UNKL: variants seen among roughly 807,000 people sequenced by gnomAD.
UNKL encodes unk like zinc finger.
In UNKL, 60 loss-of-function variants were observed where a neutral mutation model predicts 78.0. That is an observed-to-expected ratio of 0.77 (90% CI 0.63 to 0.95). The LOEUF (loss-of-function observed/expected upper bound fraction) is 0.95, where lower values mean the gene tolerates loss of function less well. Ranked by LOEUF, UNKL falls within the 40% of genes least tolerant of loss-of-function variation. The pLI is 0.00. For missense variants in UNKL, 1,159 were observed against 1,045.7 expected, an observed-to-expected ratio of 1.11 and a Z score of -1.49; for synonymous variants, 608 against 474.8, an observed-to-expected ratio of 1.28 and a Z score of -3.65.
chr16:1,369,733 T>G (rs895111943), intron 12 of UNKL, among the ~76,000 whole-genome samples: 5 of 152,126 alleles, frequency 3.3e-5, no homozygotes, highest in Non-Finnish European at 7.4e-5. Flanking sequence ...ATCCCACACT[T>G]TGGGAAGCCA....
rs1459051228 is a variant in UNKL at position 1,364,594 on chromosome 16, T to G, written c.*1646A>C. The G allele has an allele frequency of 6.6e-6, 1 of 152,284 alleles. No individual in the cohort carries two copies. Among genetic ancestry groups the G allele is most frequent in the African/African-American group, 2.4e-5 (1 of 41,440 alleles). 9.4% of individuals were successfully genotyped at this position (152,284 alleles called of 1,614,324 possible). A position where few individuals can be genotyped will look rare whatever the true frequency, so the allele number is the denominator to read the frequency against. On this transcript the variant is annotated 3_prime_UTR_variant, in exon 15 of 15. Transcript: ENST00000389221. Reference sequence around the variant, plus strand: ...TCGCGGGGATGCGTTCTCAGTCACGTTTCTGCTGCGGCCGAAACCACACTG... The same window carrying G: ...TCGCGGGGATGCGTTCTCAGTCACGGTTCTGCTGCGGCCGAAACCACACTG...
At position 1,397,695 on chromosome 16, in the gene UNKL, CG is replaced by C. The variant is rs570927888; in HGVS notation, c.735-401del. ...CACAGAGGACTTGGCTCCCCCACCC[CG>C]ACCCCCGTGCTTCACGCTGGGGCAG... On this transcript the variant is annotated intron_variant, in intron 5 of 14. Transcript: ENST00000389221. Among the ~76,000 whole-genome samples, 3 of 12,916 alleles carry C rather than the reference CG, an allele frequency of 2.3e-4. 1 individual carries two copies. The highest frequency in any genetic ancestry group is 3.4e-4 in the Non-Finnish European group (2 of 5,914). The allele number at this position is 12,916 out of a possible 152,430, so 8.5% of individuals were successfully genotyped here.
rs531584425 is a variant in UNKL at position 1,387,071 on chromosome 16, G to A, written c.1087-1686C>T. On this transcript the variant is annotated intron_variant, in intron 9 of 14. Transcript: ENST00000389221. The surrounding 1 kb of genome is among the most constrained non-coding windows in gnomAD (Gnocchi z 4.1). ...GGTAACTCCTGCACCCTACACCGCAGACCCTCCCAGCCATGCAGCACCGGG... is the reference window on the plus strand; with the variant it reads ...GGTAACTCCTGCACCCTACACCGCAAACCCTCCCAGCCATGCAGCACCGGG... Among the ~76,000 whole-genome samples the A allele has an allele frequency of 6.6e-6, 1 of 152,062 alleles. No individual in the cohort carries two copies. Among genetic ancestry groups the A allele is most frequent in the Admixed American group, 6.5e-5 (1 of 15,286 alleles).
intron 10 of UNKL, among the ~76,000 whole-genome samples, chr16:1,378,049 C>G (rs2036361491): frequency 6.6e-6 from 1 of 152,236 alleles, no homozygotes; most frequent in Non-Finnish European, 1.5e-5. Context: ...GGCTCCTAAC[C>G]TGCTGTGCCA....
At chr16:1,382,041 A>G (rs572520001) in intron 10 of UNKL, among the ~76,000 whole-genome samples, 80 of 152,276 alleles carry the variant, frequency 5.3e-4, no homozygotes, top group African/African-American at 1.9e-3. Flanking sequence ...ATGGAATGGG[A>G]TGGGGGTGGG....
chr16:1,413,106 G>A (rs945122968), intron 2 of UNKL, among the ~76,000 whole-genome samples: 1 of 151,978 alleles, frequency 6.6e-6, no homozygotes, highest in Admixed American at 6.6e-5. Flanking sequence ...AAAATTAGCT[G>A]GCATGGCATG....
rs559239469 is a variant in UNKL, at chr16:1,387,204, A to G, written c.1087-1819T>C. Among the ~76,000 whole-genome samples the G allele has an allele frequency of 3.5e-5, 5 of 141,876 alleles. No homozygotes were observed. Among genetic ancestry groups the G allele is most frequent in the Non-Finnish European group, 7.7e-5 (5 of 64,780 alleles). 93.1% of individuals were successfully genotyped at this position (141,876 alleles called of 152,430 possible). ...CTCCCAGCCATGCAACACCGGGGAC[A>G]CTCCCAGCCATGCAACACCGGGGAC... On this transcript the variant is annotated intron_variant, in intron 9 of 14. Transcript: ENST00000389221. The surrounding 1 kb of genome is among the most constrained non-coding windows in gnomAD (Gnocchi z 4.1).
intron 9 of UNKL, among the ~76,000 whole-genome samples, chr16:1,389,410 TAAAA>T (rs1419012944): frequency 6.6e-6 from 1 of 152,010 alleles, no homozygotes; most frequent in East Asian, 1.9e-4. Context: ...ACCCCATTTC[TAAAA>T]AAATACAAAA....
At chr16:1,390,517 C>A in intron 9 of UNKL, 115 bp downstream of exon 9, 1 of 1,133,838 alleles carries the variant, frequency 8.8e-7, no homozygotes, top group Non-Finnish European at 1.2e-6. Context: ...GTGGGCGGGA[C>A]CAAGGATGCA....
chr16:1,385,260 G>T lies in UNKL; in HGVS notation c.1212C>A (p.Pro404=), dbSNP rs779353282. The change falls in exon 10 of 15, where the codon CCC becomes CCA. Residue 404 remains proline, a synonymous_variant. Transcript: ENST00000389221. The part of the protein sequence containing the change: ...SSSPTALPAP[P]ARALPLGPAS... ...CGGGGCCGAGCGGGAGGGCACGGGC[G>T]GGGGGCGCGGGCAGCGCAGTGGGGG... 2 of 1,326,884 alleles carry T rather than the reference G, an allele frequency of 1.5e-6. No homozygotes were observed. The highest frequency in any genetic ancestry group is 1.5e-5 in the African/African-American group (1 of 64,770). 82.2% of individuals were successfully genotyped at this position (1,326,884 alleles called of 1,614,324 possible).
chr16:1,380,396 G>A lies in UNKL; in HGVS notation c.1264+4812C>T, dbSNP rs1432371622. On this transcript the variant is annotated intron_variant, in intron 10 of 14. Coordinates refer to ENST00000389221, the MANE Select transcript of UNKL (RefSeq NM_001372107.1). ...CTACACCTGGGGCCAGACAGTCCCG[G>A]GAGCCATGGGCAGGGAGTCCCTGAG... Among the ~76,000 whole-genome samples, 3 of 152,152 alleles carry A rather than the reference G, an allele frequency of 2.0e-5. No homozygotes were observed. In the East Asian group the frequency reaches 5.8e-4, roughly 29 times the overall value.
intron 12 of UNKL, chr16:1,369,783 C>T (rs1007835771): frequency 3.0e-5 from 21 of 705,126 alleles, no homozygotes; most frequent in South Asian, 9.1e-5. Context: ...GAGACCGGCC[C>T]GGCCAGCGTG....
intron 12 of UNKL, among the ~76,000 whole-genome samples, chr16:1,369,428 G>A (rs941786095): frequency 6.0e-5 from 9 of 150,644 alleles, no homozygotes; most frequent in African/African-American, 2.2e-4. Context: ...GGAGCATAAT[G>A]GCACAATCTC....
rs1596707540 is a variant in UNKL at position 1,385,154 on chromosome 16, A to G, written c.1264+54T>C. On this transcript the variant is annotated intron_variant, in intron 10 of 14. Coordinates refer to ENST00000389221, the MANE Select transcript of UNKL (RefSeq NM_001372107.1). ...ATAGAAGCGCTGTCCCTGAAAAGCTACAGCATGAACACAGAAGGAGGTCAG... is the reference window on the plus strand; with the variant it reads ...ATAGAAGCGCTGTCCCTGAAAAGCTGCAGCATGAACACAGAAGGAGGTCAG... 3.3e-6 allele frequency: 4 copies of G among 1,201,388 alleles called. No individual in the cohort carries two copies. The South Asian group carries it at 1.1e-4, about 34-fold the overall frequency. The allele number at this position is 1,201,388 out of a possible 1,614,324, so 74.4% of individuals were successfully genotyped here.
At chr16:1,376,017 A>T (rs747679227) in intron 10 of UNKL, among the ~76,000 whole-genome samples, 6 of 152,148 alleles carry the variant, frequency 3.9e-5, no homozygotes, top group Non-Finnish European at 7.4e-5. Context: ...GCGGCCTTGG[A>T]CAGGTGGCTC....
At chr16:1,404,748 G>A (rs1377446821) in intron 2 of UNKL, among the ~76,000 whole-genome samples, 2 of 152,158 alleles carry the variant, frequency 1.3e-5, no homozygotes, top group Admixed American at 6.5e-5. Flanking sequence ...GGAAAGCGCG[G>A]GCTTCCATCC....
In UNKL at chr16:1,363,474, C is replaced by CAGTT. The variant is rs774503075; in HGVS notation, c.*2762_*2765dup. 16 of 329,140 alleles carry CAGTT rather than the reference C, an allele frequency of 4.9e-5. No individual in the cohort carries two copies. The highest frequency in any genetic ancestry group is 8.3e-5 in the Non-Finnish European group (14 of 169,224). The allele number at this position is 329,140 out of a possible 1,614,324, so 20.4% of individuals were successfully genotyped here. A position where few individuals can be genotyped will look rare whatever the true frequency, so the allele number is the denominator to read the frequency against. On this transcript the variant is annotated 3_prime_UTR_variant, in exon 15 of 15. Transcript: ENST00000389221. Reference sequence around the variant, plus strand: ...CACGCGGAACAAGGTCTGCTGACCACAGTTACACACGTCGTGACACCACTG... The same window carrying CAGTT: ...CACGCGGAACAAGGTCTGCTGACCACAGTTAGTTACACACGTCGTGACACCACTG...
chr16:1,374,954 G>T (rs991468792), intron 10 of UNKL, among the ~76,000 whole-genome samples: 1 of 152,232 alleles, frequency 6.6e-6, no homozygotes, highest in African/African-American at 2.4e-5. Flanking sequence ...CATGAGATTT[G>T]TCGGGAACAC....
intron 10 of UNKL, among the ~76,000 whole-genome samples, chr16:1,378,411 C>T (rs1447864661): frequency 1.3e-5 from 2 of 152,240 alleles, no homozygotes; most frequent in Non-Finnish European, 2.9e-5. Context: ...CCGCCCCTCA[C>T]ACCTGGCAGA....
Sources: allele counts gnomAD v4.1 joint callset (sites outside exome capture counted in the v4.1 genomes callset), GRCh38; gene constraint gnomAD v4.1.1; non-coding constraint Gnocchi (gnomAD v3.1); transcripts MANE v1.5; gene names NCBI Gene and HGNC (gene_info 2026-07-23, HGNC 2026-07-21).